The following PDSS1 variants were observed in gnomAD, a reference collection of about 807,000 sequenced individuals.
PDSS1 encodes the protein all trans-polyprenyl-diphosphate synthase PDSS1.
In PDSS1, 43 loss-of-function variants were observed where a neutral mutation model predicts 57.5. The observed-to-expected ratio is 0.75, with a 90% CI of 0.59 to 0.96. PDSS1 has a LOEUF of 0.96. PDSS1 is among the 50% of genes least tolerant of loss of function. The pLI, the probability that PDSS1 is intolerant of heterozygous loss-of-function variation, is 0.00. For missense variants in PDSS1, 438 were observed against 527.8 expected, an observed-to-expected ratio of 0.83 and a Z score of 1.67; for synonymous variants, 175 against 191.3, an observed-to-expected ratio of 0.91 and a Z score of 0.70.
intron 5 of PDSS1, among the ~76,000 whole-genome samples, chr10:26,719,069 A>G (rs1835695434): frequency 6.6e-6 from 1 of 152,162 alleles, no homozygotes. Context: ...AAAAAGTCAT[A>G]TTTCAGAATC....
chr10:26,721,633 G>A (rs148204722), intron 6 of PDSS1, among the ~76,000 whole-genome samples: 5 of 152,286 alleles, frequency 3.3e-5, no homozygotes, highest in East Asian at 3.9e-4. Flanking sequence ...AGCAGATGGC[G>A]TTTAGATTTG....
chr10:26,741,384 TGAGGCAGAGAATTGCTTGAACCCGG>T (rs1588709318), intron 10 of PDSS1, among the ~76,000 whole-genome samples: 1 of 151,968 alleles, frequency 6.6e-6, no homozygotes, highest in East Asian at 1.9e-4. Flanking sequence ...CTCAGGAGGC[TGAGGCAGAGAATTGCTTGAACCCGG>T]GAGGCAGAGG....
rs1186925885 is a variant in PDSS1, at chr10:26,740,159, ATT to A, written c.1027-2337_1027-2336del. On this transcript the variant is annotated intron_variant, in intron 10 of 11. Transcript: ENST00000376215. ...TCCATCTCAAAAAAAAAAAAAAAAA[ATT>A]AAAAAATTAGCCAGGTGCGTGCCTG... 2.4e-3 allele frequency among the ~76,000 whole-genome samples: 355 copies of A among 149,236 alleles called. 5 individuals carry two copies. Among genetic ancestry groups the A allele is most frequent in the African/African-American group, 8.5e-3 (343 of 40,342 alleles).
intron 1 of PDSS1, among the ~76,000 whole-genome samples, chr10:26,700,855 T>C (rs910468238): frequency 6.6e-6 from 1 of 152,132 alleles, no homozygotes; most frequent in African/African-American, 2.4e-5. Flanking sequence ...TTGGCATTGA[T>C]ATAAGATACC....
chr10:26,714,477 AAAAAAG>A (rs1835499769), intron 5 of PDSS1: 1 of 152,056 alleles, frequency 6.6e-6, no homozygotes, highest in African/African-American at 2.4e-5. Context: ...AAAAAAAAAA[AAAAAAG>A]AAAAGAAAAA....
At chr10:26,722,442 C>A (rs139730065) in intron 6 of PDSS1, among the ~76,000 whole-genome samples, 1 of 152,102 alleles carries the variant, frequency 6.6e-6, no homozygotes, top group Non-Finnish European at 1.5e-5. Flanking sequence ...TGGTGGCTCA[C>A]GCCTGTAATC....
In PDSS1 at chr10:26,704,910, T is replaced by C. The variant is rs76483650; in HGVS notation, c.227+169T>C. Among the ~76,000 whole-genome samples, 2,314 of 152,232 alleles carry C rather than the reference T, an allele frequency of 0.015. 51 individuals carry two copies. The highest frequency in any genetic ancestry group is 0.052 in the African/African-American group (2,174 of 41,522). On this transcript the variant is annotated intron_variant, in intron 3 of 11. Transcript: ENST00000376215. ...CCCTCAGGTTCCCAAAGTGCTGGGA[T>C]TGCAGACATAAGCACCCGGCCTAAA... is the stretch of plus-strand genomic sequence containing the variant.
chr10:26,740,687 C>T (rs765835221), intron 10 of PDSS1: 14 of 456,580 alleles, frequency 3.1e-5, no homozygotes, highest in Middle Eastern at 3.2e-4. Flanking sequence ...TAAGCACTGA[C>T]GTGGCCAAAA....
chr10:26,700,812 A>C (rs1295203051), intron 1 of PDSS1, among the ~76,000 whole-genome samples: 1 of 152,158 alleles, frequency 6.6e-6, no homozygotes, highest in African/African-American at 2.4e-5. Context: ...CAGTGTGAGA[A>C]TGGACCAATA....
intron 2 of PDSS1, among the ~76,000 whole-genome samples, chr10:26,702,437 T>C (rs1228287305): frequency 1.3e-5 from 2 of 152,160 alleles, no homozygotes; most frequent in Non-Finnish European, 2.9e-5. Flanking sequence ...CCCCATGCTG[T>C]TCTTGTTATA....
chr10:26,745,720 G>A (rs935336430), intron 11 of PDSS1, among the ~76,000 whole-genome samples: 14 of 152,036 alleles, frequency 9.2e-5, no homozygotes, highest in Admixed American at 1.3e-4. Context: ...GGTGGCACGC[G>A]CCTGTAGTCC....
At chr10:26,732,026 T>G (rs1399887100) in intron 8 of PDSS1, among the ~76,000 whole-genome samples, 1 of 152,212 alleles carries the variant, frequency 6.6e-6, no homozygotes, top group Non-Finnish European at 1.5e-5. Flanking sequence ...CAGAAAGAAG[T>G]GCATACGCAC....
chr10:26,698,615 T>C (rs1834951824), intron 1 of PDSS1, among the ~76,000 whole-genome samples: 1 of 152,214 alleles, frequency 6.6e-6, no homozygotes, highest in Non-Finnish European at 1.5e-5. Context: ...TGATTCTCAG[T>C]GTGCCATGGG....
At chr10:26,701,017 C>T (rs1780187) in intron 1 of PDSS1, among the ~76,000 whole-genome samples, 90,453 of 151,926 alleles carry the variant, frequency 0.6, 28,538 homozygotes, top group East Asian at 0.81. Flanking sequence ...GTGATATGGA[C>T]GATGAAGTCC....
In PDSS1 at chr10:26,746,740, C is replaced by CTGTT. The variant is rs1402554250; in HGVS notation, c.*268_*271dup. The CTGTT allele has an allele frequency of 8.6e-6, 4 of 467,526 alleles. No individual in the cohort carries two copies. The highest frequency in any genetic ancestry group is 5.8e-5 in the African/African-American group (3 of 51,410). The allele number at this position is 467,526 out of a possible 1,614,324, so 29.0% of individuals were successfully genotyped here. ...ATGGTTATATGTGGTATTGTTTACACTGTTAATATCCACATGTAAGGCCAT... is the reference window on the plus strand; with the variant it reads ...ATGGTTATATGTGGTATTGTTTACACTGTTTGTTAATATCCACATGTAAGGCCAT... On this transcript the variant is annotated 3_prime_UTR_variant, in exon 12 of 12. Coordinates refer to ENST00000376215, the MANE Select transcript of PDSS1 (RefSeq NM_014317.5).
At chr10:26,697,862 C>A in intron 1 of PDSS1, 22 bp downstream of exon 1, 2 of 1,292,816 alleles carry the variant, frequency 1.5e-6, no homozygotes, top group Admixed American at 3.3e-5. Context: ...AGGCGCGCGC[C>A]CGGCGGGGCT....
intron 10 of PDSS1, among the ~76,000 whole-genome samples, chr10:26,736,311 G>A (rs1836399215): frequency 6.6e-6 from 1 of 152,212 alleles, no homozygotes; most frequent in Non-Finnish European, 1.5e-5. Flanking sequence ...ACATTAGCTG[G>A]TGTTGGAACA....
Position 26,710,670 on chromosome 10 carries a change from A to C in PDSS1, c.467+902A>C. On this transcript the variant is annotated intron_variant, in intron 5 of 11. Coordinates refer to ENST00000376215, the MANE Select transcript of PDSS1 (RefSeq NM_014317.5). ...AGCTCTTTTTTGATCTGGGTTCTTT[A>C]ATAAAATGAGCTTGGGTTTTGCTGA... is the stretch of plus-strand genomic sequence containing the variant. Among the ~76,000 whole-genome samples, 2 of 98,080 alleles carry C rather than the reference A, an allele frequency of 2.0e-5. 1 individual carries two copies. Among genetic ancestry groups the C allele is most frequent in the Non-Finnish European group, 4.7e-5 (2 of 42,382 alleles). 64.3% of individuals were successfully genotyped at this position (98,080 alleles called of 152,430 possible).
At chr10:26,711,296 A>G (rs1031362310) in intron 5 of PDSS1, among the ~76,000 whole-genome samples, 4 of 99,760 alleles carry the variant, frequency 4.0e-5, no homozygotes, top group African/African-American at 1.3e-4. Flanking sequence ...GTAGATATTT[A>G]AGGAATGCCT....
Sources: gnomAD v4.1 joint callset for allele counts (sites outside exome capture counted in the v4.1 genomes callset) on GRCh38, gnomAD v4.1.1 for gene constraint, MANE v1.5 for transcripts, NCBI Gene and HGNC (gene_info 2026-07-23, HGNC 2026-07-21) for gene names.